The following PPFIA2 variants were observed in gnomAD, a reference collection of about 807,000 sequenced individuals.
PPFIA2 encodes liprin-alpha-2.
In PPFIA2, 46 loss-of-function variants were observed where a neutral mutation model predicts 175.5. That is an observed-to-expected ratio of 0.26 (90% CI 0.21 to 0.34). The LOEUF is 0.34. Among genes scored for constraint, PPFIA2 ranks in the 10% least tolerant of loss-of-function variants. PPFIA2 has a pLI of 1.00. For missense variants in PPFIA2, 1,179 were observed against 1,506.1 expected, an observed-to-expected ratio of 0.78 and a Z score of 3.60; for synonymous variants, 568 against 511.4, an observed-to-expected ratio of 1.11 and a Z score of -1.49.
chr12:81,597,431 A>G (rs2059365428), intron 4 of PPFIA2, among the ~76,000 whole-genome samples: 1 of 151,996 alleles, frequency 6.6e-6, no homozygotes, highest in Non-Finnish European at 1.5e-5. Context: ...AGCATACTAA[A>G]CTTGGTTCTT....
intron 21 of PPFIA2, among the ~76,000 whole-genome samples, chr12:81,332,245 T>C (rs1197037748): frequency 6.6e-6 from 1 of 152,120 alleles, no homozygotes; most frequent in South Asian, 2.1e-4. Flanking sequence ...TGTGGCTGGG[T>C]AACTTGATCT....
intron 4 of PPFIA2, among the ~76,000 whole-genome samples, chr12:81,565,232 C>T (rs1413712144): frequency 2.6e-5 from 4 of 152,146 alleles, no homozygotes; most frequent in Non-Finnish European, 4.4e-5. Context: ...TCCCCTGAGG[C>T]AGTTGCCAGG....
intron 4 of PPFIA2, among the ~76,000 whole-genome samples, chr12:81,460,052 T>G (rs1304944802): frequency 6.6e-6 from 1 of 152,014 alleles, no homozygotes; most frequent in African/African-American, 2.4e-5. Context: ...AGATCTGGAG[T>G]ACATTTAGAG....
intron 26 of PPFIA2, 135 bp downstream of exon 26, chr12:81,282,875 A>G: frequency 1.6e-6 from 1 of 608,658 alleles, no homozygotes; most frequent in Non-Finnish European, 2.8e-6. Context: ...CATAATCTAC[A>G]TTTACCTATA....
chr12:81,341,226 AC>A lies in PPFIA2; in HGVS notation c.2263-19del, dbSNP rs753182952. On this transcript the variant is annotated intron_variant, in intron 19 of 32. Transcript: ENST00000549396. ...ACTGCAATCTAGAAGCAAAAACAATACATTCAAATAAACCCTTTCTAAATTT... is the reference window on the plus strand; with the variant it reads ...ACTGCAATCTAGAAGCAAAAACAATAATTCAAATAAACCCTTTCTAAATTT... 1.2e-6 allele frequency: 2 copies of A among 1,607,828 alleles called. No homozygotes were observed. The highest frequency in any genetic ancestry group is 2.7e-5 in the African/African-American group (2 of 74,674).
At chr12:81,397,029 T>G (rs1480228599) in intron 8 of PPFIA2, among the ~76,000 whole-genome samples, 2 of 152,064 alleles carry the variant, frequency 1.3e-5, no homozygotes, top group African/African-American at 4.8e-5. Flanking sequence ...ATGGATCAAA[T>G]TTTTTAAGGG....
intron 4 of PPFIA2, among the ~76,000 whole-genome samples, chr12:81,494,032 G>A (rs2147157971): frequency 6.6e-6 from 1 of 151,800 alleles, no homozygotes; most frequent in Admixed American, 6.6e-5. Context: ...GACAGGCATG[G>A]GCAAGGACTT....
rs565852968 is a variant in PPFIA2 at position 81,754,198 on chromosome 12, C to A, written c.24G>T (p.Thr8=). ...GGCTCATTGGGGTGTCCTCATTAAT[C>A]GTGGGCATCACTTCACACATCATTG... MMCEVMP[T]INEDTPMSQR... The change falls in exon 3 of 33, where the codon ACG becomes ACT. Residue 8 remains threonine, a synonymous_variant. Coordinates refer to ENST00000549396, the MANE Select transcript of PPFIA2 (RefSeq NM_003625.5). The A allele has an allele frequency of 1.9e-6, 3 of 1,606,674 alleles. No homozygotes were observed. The highest frequency in any genetic ancestry group is 8.5e-7 in the Non-Finnish European group (1 of 1,176,160).
intron 4 of PPFIA2, among the ~76,000 whole-genome samples, chr12:81,563,520 C>G (rs901062510): frequency 6.6e-6 from 1 of 152,052 alleles, no homozygotes; most frequent in African/African-American, 2.4e-5. Flanking sequence ...GAATTAAATC[C>G]AAAATCCTCT....
At chr12:81,508,318 T>C (rs1000999396) in intron 4 of PPFIA2, among the ~76,000 whole-genome samples, 1 of 151,546 alleles carries the variant, frequency 6.6e-6, no homozygotes, top group Non-Finnish European at 1.5e-5. Flanking sequence ...GGTCGGGAGG[T>C]CGAGACCAGC....
At chr12:81,440,909 A>G (rs1198099956) in intron 6 of PPFIA2, among the ~76,000 whole-genome samples, 3 of 151,012 alleles carry the variant, frequency 2.0e-5, no homozygotes, top group African/African-American at 7.3e-5. Flanking sequence ...TAAAAAATCA[A>G]AAAACTTTAT....
At chr12:81,475,774 G>A (rs2057391618) in intron 4 of PPFIA2, among the ~76,000 whole-genome samples, 1 of 152,106 alleles carries the variant, frequency 6.6e-6, no homozygotes, top group African/African-American at 2.4e-5. Context: ...GTGTAGTGGC[G>A]CGATCTCGGC....
At position 81,556,997 on chromosome 12, in the gene PPFIA2, T is replaced by A. The variant is rs546655952; in HGVS notation, c.304-99131A>T. ...TTTCTTAACTGCTGAAAATATTTTT[T>A]AAAATATTTGTAGAAGTGATCTAAG... On this transcript the variant is annotated intron_variant, in intron 4 of 32. Coordinates refer to ENST00000549396, the MANE Select transcript of PPFIA2 (RefSeq NM_003625.5). 3.4e-3 allele frequency among the ~76,000 whole-genome samples: 524 copies of A among 152,050 alleles called. 2 individuals carry two copies. Among genetic ancestry groups the A allele is most frequent in the Middle Eastern group, 6.8e-3 (2 of 294 alleles).
chr12:81,646,329 T>C (rs2066066765), intron 4 of PPFIA2, among the ~76,000 whole-genome samples: 1 of 152,142 alleles, frequency 6.6e-6, no homozygotes, highest in African/African-American at 2.4e-5. Context: ...GATTGCACCC[T>C]AGACCCTCTA....
chr12:81,325,918 G>T, intron 21 of PPFIA2, 48 bp from the exon 22 acceptor site: 1 of 1,365,796 alleles, frequency 7.3e-7, no homozygotes, highest in Non-Finnish European at 1.0e-6. Context: ...CATAGGTTGT[G>T]TCAATTCTGA....
At chr12:81,736,898 A>G (rs2081649755) in intron 3 of PPFIA2, among the ~76,000 whole-genome samples, 1 of 151,804 alleles carries the variant, frequency 6.6e-6, no homozygotes, top group Non-Finnish European at 1.5e-5. Context: ...ATGTACCACC[A>G]CACTTGGCTC....
chr12:81,499,493 T>C (rs2060370858), intron 4 of PPFIA2, among the ~76,000 whole-genome samples: 1 of 152,160 alleles, frequency 6.6e-6, no homozygotes, highest in Non-Finnish European at 1.5e-5. Context: ...ATAATAATTA[T>C]ATTTTTGAGG....
chr12:81,577,439 A>T (rs2073748624), intron 4 of PPFIA2, among the ~76,000 whole-genome samples: 1 of 151,914 alleles, frequency 6.6e-6, no homozygotes, highest in Non-Finnish European at 1.5e-5. Flanking sequence ...GCCAGAGAGC[A>T]TTCATTAAAC....
chr12:81,362,753 C>G lies in PPFIA2; in HGVS notation c.1577G>C (p.Arg526Thr), dbSNP rs890498851. 2 of 1,546,126 alleles carry G rather than the reference C, an allele frequency of 1.3e-6. No homozygotes were observed. The highest frequency in any genetic ancestry group is 1.7e-6 in the Non-Finnish European group (2 of 1,143,026). Reference protein sequence around the residue: ...ERLAEEIEKLRSELDQLKMRT... With the variant: ...ERLAEEIEKLTSELDQLKMRT... The stretch of plus-strand genomic sequence containing the variant: ...CATTTTCAATTGGTCAAGTTCAGAT[C>G]TCAGCTTTTCAATTTCTTCTGCTAA... The change falls in exon 15 of 33, where the codon AGA (arginine) becomes ACA (threonine). Residue 526 changes from arginine to threonine, a missense_variant. Around this residue, in one of 10 missense-constraint regions of PPFIA2, gnomAD observed 186 missense variants for 163.6 expected, o/e 1.14. Transcript: ENST00000549396.
Sources: gnomAD v4.1 joint callset for allele counts (sites outside exome capture counted in the v4.1 genomes callset) on GRCh38, gnomAD v4.1.1 for gene constraint, gnomAD v4.1.1 regional missense constraint, MANE v1.5 for transcripts, NCBI Gene and HGNC (gene_info 2026-07-23, HGNC 2026-07-21) for gene names.